CA12: variants seen among roughly 807,000 people sequenced by gnomAD.
CA12 encodes the protein carbonate dehydratase XII.
In CA12, 36 loss-of-function variants were observed where a neutral mutation model predicts 46.8. The ratio of observed to expected loss-of-function variants is 0.77; its 90% CI spans 0.59 to 1.02. CA12 has a LOEUF of 1.02. Among genes scored for constraint, CA12 ranks in the 50% least tolerant of loss-of-function variants. CA12 has a pLI of 0.00. For synonymous variants in CA12, 202 were observed against 187.0 expected (o/e 1.08, Z -0.65); for missense variants, 436 against 451.4 (o/e 0.97, Z 0.31).
intron 2 of CA12, among the ~76,000 whole-genome samples, chr15:63,358,389 G>A (rs984850484): frequency 1.3e-5 from 2 of 152,218 alleles, no homozygotes; most frequent in Non-Finnish European, 2.9e-5. Context: ...GGGTGATGTA[G>A]CAATGTTCCC....
chr15:63,358,399 C>T (rs2039318859), intron 2 of CA12, among the ~76,000 whole-genome samples: 1 of 152,200 alleles, frequency 6.6e-6, no homozygotes, highest in African/African-American at 2.4e-5. Flanking sequence ...GCAATGTTCC[C>T]CGGCACTCAC....
At chr15:63,335,070 G>A (rs555235104) in intron 8 of CA12, among the ~76,000 whole-genome samples, 2 of 152,322 alleles carry the variant, frequency 1.3e-5, no homozygotes, top group South Asian at 4.1e-4. Flanking sequence ...TCCATCAGGG[G>A]AAAACTTGCC....
Position 63,341,547 on chromosome 15 carries a change from G to A in CA12, c.525+455C>T, listed in dbSNP as rs978147964. Among the ~76,000 whole-genome samples, 5 of 152,198 alleles carry A rather than the reference G, an allele frequency of 3.3e-5. No individual in the cohort carries two copies. The highest frequency in any genetic ancestry group is 9.7e-5 in the African/African-American group (4 of 41,450). ...CATCTCCCTCCCTGGTCCATGGTCC[G>A]TGGAAAAATTGTCTTCTATGAAACT... On this transcript the variant is annotated intron_variant, in intron 5 of 10. Transcript: ENST00000178638. This position sits in a 1 kb window ranked among gnomAD's most constrained non-coding sequence, Gnocchi z 5.2.
chr15:63,365,005 T>C (rs1039294243), intron 2 of CA12, among the ~76,000 whole-genome samples: 2 of 152,236 alleles, frequency 1.3e-5, no homozygotes, highest in Non-Finnish European at 2.9e-5. Context: ...CTGAGTGCAG[T>C]GGCACAATCA....
At chr15:63,380,709 C>A (rs925369770) in intron 1 of CA12, among the ~76,000 whole-genome samples, 1 of 152,198 alleles carries the variant, frequency 6.6e-6, no homozygotes, top group African/African-American at 2.4e-5. Flanking sequence ...GCACTGTGAC[C>A]TCCAAGAGAG....
At chr15:63,347,639 C>A (rs375480061) in intron 2 of CA12, among the ~76,000 whole-genome samples, 8 of 152,364 alleles carry the variant, frequency 5.3e-5, no homozygotes, top group African/African-American at 1.9e-4. Context: ...TGCAGATGAA[C>A]TTTCCTACTC....
Position 63,374,245 on chromosome 15 carries a change from C to G in CA12, c.106+1413G>C, listed in dbSNP as rs755540126. On this transcript the variant is annotated intron_variant, in intron 2 of 10. Coordinates refer to ENST00000178638, the MANE Select transcript of CA12 (RefSeq NM_001218.5). The surrounding 1 kb of genome is among the most constrained non-coding windows in gnomAD (Gnocchi z 4.4). ...TCAACCCTTCTCCACATGCTTTCCTCGAACACCACCTTGCTCTTTCTTGCT... is the reference window on the plus strand; with the variant it reads ...TCAACCCTTCTCCACATGCTTTCCTGGAACACCACCTTGCTCTTTCTTGCT... Among the ~76,000 whole-genome samples the G allele has an allele frequency of 6.6e-6, 1 of 152,106 alleles. No individual in the cohort carries two copies. Among genetic ancestry groups the G allele is most frequent in the Non-Finnish European group, 1.5e-5 (1 of 68,014 alleles).
At position 63,339,776 on chromosome 15, in the gene CA12, C is replaced by A. The variant is rs1188408064; in HGVS notation, c.747+512G>T. ...CTTTGGGTCTCAGCTTTGTCACTAA[C>A]CCGCGGGTGATCCCACAGACTTCTA... On this transcript the variant is annotated intron_variant, in intron 7 of 10. Transcript: ENST00000178638. The surrounding 1 kb of genome is among the most constrained non-coding windows in gnomAD (Gnocchi z 4.3). Among the ~76,000 whole-genome samples the A allele has an allele frequency of 2.0e-5, 3 of 152,222 alleles. No homozygotes were observed. The highest frequency in any genetic ancestry group is 2.0e-4 in the Admixed American group (3 of 15,288).
Position 63,357,957 on chromosome 15 carries a change from A to G in CA12, c.107-11248T>C, listed in dbSNP as rs184316330. 1.9e-3 allele frequency among the ~76,000 whole-genome samples: 288 copies of G among 152,312 alleles called. 2 individuals are homozygous for G. The highest frequency in any genetic ancestry group is 6.5e-3 in the African/African-American group (271 of 41,578). ...TTGCAGGTGGCTTCTTTCATCTGGC[A>G]TAATGTTTCCAAGGTTCATCCATGT... On this transcript the variant is annotated intron_variant, in intron 2 of 10. Transcript: ENST00000178638.
intron 4 of CA12, among the ~76,000 whole-genome samples, chr15:63,344,803 C>T (rs1208020988): frequency 2.0e-5 from 3 of 152,128 alleles, no homozygotes; most frequent in South Asian, 4.1e-4. Context: ...CTTGCCCCAC[C>T]CCATCCTGCA....
At chr15:63,376,729 A>G (rs2039583006) in intron 1 of CA12, among the ~76,000 whole-genome samples, 1 of 151,150 alleles carries the variant, frequency 6.6e-6, no homozygotes, top group South Asian at 2.1e-4. Flanking sequence ...TGCAGCCTCA[A>G]CCTCCTGGGC....
Position 63,331,531 on chromosome 15 carries a change from C to T in CA12, c.875-3401G>A, listed in dbSNP as rs1237754396. ...CGAGAGGCATCGAGTGGCAGCCCAACAGAAGGAGCTCTGGGGCTGGCTGGT... is the reference window on the plus strand; with the variant it reads ...CGAGAGGCATCGAGTGGCAGCCCAATAGAAGGAGCTCTGGGGCTGGCTGGT... On this transcript the variant is annotated intron_variant, in intron 8 of 10. Coordinates refer to ENST00000178638, the MANE Select transcript of CA12 (RefSeq NM_001218.5). The surrounding 1 kb of genome is among the most constrained non-coding windows in gnomAD (Gnocchi z 5.3). Among the ~76,000 whole-genome samples the T allele has an allele frequency of 6.6e-6, 1 of 152,168 alleles. No homozygotes were observed. The highest frequency in any genetic ancestry group is 1.5e-5 in the Non-Finnish European group (1 of 68,040).
intron 2 of CA12, among the ~76,000 whole-genome samples, chr15:63,360,683 C>G (rs2039351129): frequency 6.6e-6 from 1 of 152,224 alleles, no homozygotes; most frequent in South Asian, 2.1e-4. Flanking sequence ...ACATATTCTC[C>G]TTGCCCTGCT....
In CA12 at chr15:63,374,390, T is replaced by C. The variant is rs1482928573; in HGVS notation, c.106+1268A>G. Among the ~76,000 whole-genome samples the C allele has an allele frequency of 6.6e-6, 1 of 152,208 alleles. No individual in the cohort carries two copies. The highest frequency in any genetic ancestry group is 1.9e-4 in the East Asian group (1 of 5,192). Reference sequence around the variant, plus strand: ...GAGGCCTTCCCTGACCATCTAGCCCTAGCACACTCGCCCTCCTTTGAGCAC... The same window carrying C: ...GAGGCCTTCCCTGACCATCTAGCCCCAGCACACTCGCCCTCCTTTGAGCAC... On this transcript the variant is annotated intron_variant, in intron 2 of 10. Coordinates refer to ENST00000178638, the MANE Select transcript of CA12 (RefSeq NM_001218.5). This position sits in a 1 kb window ranked among gnomAD's most constrained non-coding sequence, Gnocchi z 4.4.
At position 63,323,504 on chromosome 15, in the gene CA12, G is replaced by A. The variant is rs1443784507; in HGVS notation, c.*2781C>T. The A allele has an allele frequency of 6.7e-6, 1 of 149,046 alleles. No individual in the cohort carries two copies. Among genetic ancestry groups the A allele is most frequent in the African/African-American group, 2.5e-5 (1 of 40,114 alleles). 9.2% of individuals were successfully genotyped at this position (149,046 alleles called of 1,614,324 possible). On this transcript the variant is annotated 3_prime_UTR_variant, in exon 11 of 11. Transcript: ENST00000178638. The surrounding 1 kb of genome is among the most constrained non-coding windows in gnomAD (Gnocchi z 5.1). The stretch of plus-strand genomic sequence containing the variant: ...TTGCAAATAGTAATGCTTTAACCTC[G>A]CCTCCAAAAAAAAAAAAAGAACAGC...
intron 2 of CA12, 70 bp downstream of exon 2, chr15:63,375,587 CT>C (rs1388707943): frequency 2.9e-6 from 3 of 1,020,144 alleles, no homozygotes; most frequent in Admixed American, 3.9e-5. Flanking sequence ...CATGAAGTTT[CT>C]GTTTTTCTCA....
In CA12 at chr15:63,345,716, C is replaced by G. The variant is rs1164712121; in HGVS notation, c.287-97G>C. On this transcript the variant is annotated intron_variant, in intron 3 of 10. Transcript: ENST00000178638. The surrounding 1 kb of genome is among the most constrained non-coding windows in gnomAD (Gnocchi z 4.3). ...AATGCTCCCTCCACCCCTGCTGCCA[C>G]CCCCTGGAGCCCAGAGAGAGGCAGG... The G allele has an allele frequency of 6.9e-7, 1 of 1,459,740 alleles. No homozygotes were observed. The highest frequency in any genetic ancestry group is 2.0e-5 in the Admixed American group (1 of 51,126). 90.4% of individuals were successfully genotyped at this position (1,459,740 alleles called of 1,614,324 possible). A position where few individuals can be genotyped will look rare whatever the true frequency, so the allele number is the denominator to read the frequency against.
chr15:63,380,165 A>G (rs1033966717), intron 1 of CA12, among the ~76,000 whole-genome samples: 1 of 152,214 alleles, frequency 6.6e-6, no homozygotes, highest in African/African-American at 2.4e-5. Flanking sequence ...ACCCAGGGGT[A>G]GGCAGTCTCC....
chr15:63,347,022 T>C, intron 2 of CA12, among the ~76,000 whole-genome samples: 1 of 152,212 alleles, frequency 6.6e-6, no homozygotes, highest in South Asian at 2.1e-4. Flanking sequence ...CTTTCAGCAA[T>C]TCAGCATCTG....
Sources: gnomAD v4.1 joint callset for allele counts (sites outside exome capture counted in the v4.1 genomes callset) on GRCh38, gnomAD v4.1.1 for gene constraint, Gnocchi (gnomAD v3.1) non-coding constraint, MANE v1.5 for transcripts, NCBI Gene and HGNC (gene_info 2026-07-23, HGNC 2026-07-21) for gene names.